NOP58: variants seen among roughly 807,000 people sequenced by gnomAD.
NOP58 encodes the protein NOP58 ribonucleoprotein.
In NOP58, 44 loss-of-function variants were observed where a neutral mutation model predicts 71.2. The ratio of observed to expected loss-of-function variants is 0.62; its 90% confidence interval spans 0.49 to 0.79. The LOEUF (loss-of-function observed/expected upper bound fraction) is 0.79. NOP58 is among the 30% of genes least tolerant of loss of function. NOP58 has a pLI of 0.00. For synonymous variants in NOP58, 228 were observed against 200.3 expected, an observed-to-expected ratio of 1.14 and a Z score of -1.17; for missense variants, 538 against 620.2, an observed-to-expected ratio of 0.87 and a Z score of 1.41.
chr2:202,292,774 T>A lies in NOP58; in HGVS notation c.781-3T>A. The A allele has an allele frequency of 6.2e-7, 1 of 1,607,310 alleles. No homozygotes were observed. Among genetic ancestry groups the A allele is most frequent in the South Asian group, 1.1e-5 (1 of 90,964 alleles). ...TGTGACTTAACTTTATTCCTTATACTAGGTGATTGAAATCTCTGAATATCG... is the reference window on the plus strand; with the variant it reads ...TGTGACTTAACTTTATTCCTTATACAAGGTGATTGAAATCTCTGAATATCG... On this transcript the variant is annotated splice_region_variant and splice_polypyrimidine_tract_variant and intron_variant, in intron 8 of 14. Coordinates refer to ENST00000264279, the MANE Select transcript of NOP58 (RefSeq NM_015934.5).
At chr2:202,297,285 A>G (rs1559267041) in intron 10 of NOP58, 94 bp from the exon 11 acceptor site, 2 of 1,167,358 alleles carry the variant, frequency 1.7e-6, no homozygotes, top group East Asian at 2.4e-5. Context: ...TGTATGATTC[A>G]TAATAGTTTT....
At chr2:202,273,263 A>G (rs947224752) in intron 1 of NOP58, among the ~76,000 whole-genome samples, 2 of 152,260 alleles carry the variant, frequency 1.3e-5, no homozygotes, top group Admixed American at 6.5e-5. Flanking sequence ...AGCCAAAACC[A>G]TTACTATGAC....
intron 4 of NOP58, 168 bp from the exon 5 acceptor site, chr2:202,284,177 A>G (rs897129980): frequency 3.8e-6 from 2 of 531,978 alleles, no homozygotes; most frequent in Admixed American, 3.3e-5. Context: ...CCAGGCCGAG[A>G]CAGGAGAATC....
rs377369455 is a variant in NOP58 at position 202,282,502 on chromosome 2, G to C, written c.297+30G>C. The C allele has an allele frequency of 1.9e-6, 3 of 1,594,780 alleles. No homozygotes were observed. In the African/African-American group the frequency reaches 4.1e-5, roughly 22 times the overall value. ...AGTCACGATATTTTTGGTCATGCCT[G>C]CTAGTCAGATCTCACAGCATACCAA... On this transcript the variant is annotated intron_variant, in intron 4 of 14. Transcript: ENST00000264279.
chr2:202,300,497 AT>A, intron 13 of NOP58, 130 bp downstream of exon 13: 1 of 678,322 alleles, frequency 1.5e-6, no homozygotes, highest in Non-Finnish European at 2.5e-6. Flanking sequence ...TGGTGTTTTA[AT>A]AATGCCATTA....
intron 2 of NOP58, among the ~76,000 whole-genome samples, chr2:202,277,299 T>C (rs1318580412): frequency 2.0e-5 from 3 of 148,120 alleles, no homozygotes; most frequent in Non-Finnish European, 3.0e-5. Flanking sequence ...AGTGAGACTC[T>C]GTCTCAAAAA....
intron 5 of NOP58, among the ~76,000 whole-genome samples, chr2:202,287,374 CT>C (rs1298564008): frequency 2.6e-5 from 4 of 151,956 alleles, no homozygotes; most frequent in African/African-American, 7.2e-5. Context: ...TCCAATATGA[CT>C]TTTGTATTAC....
At chr2:202,266,724 T>C (rs1398632872) in intron 1 of NOP58, among the ~76,000 whole-genome samples, 1 of 152,224 alleles carries the variant, frequency 6.6e-6, no homozygotes, top group African/African-American at 2.4e-5. Flanking sequence ...AAGAATACTT[T>C]TGCATTCATT....
chr2:202,269,686 A>G (rs1688483331), intron 1 of NOP58, among the ~76,000 whole-genome samples: 1 of 152,038 alleles, frequency 6.6e-6, no homozygotes, highest in African/African-American at 2.4e-5. Context: ...GGTTGCAATG[A>G]GCTGCGGTCG....
intron 2 of NOP58, chr2:202,275,576 G>C (rs966144513): frequency 6.3e-6 from 1 of 157,846 alleles, no homozygotes; most frequent in Non-Finnish European, 1.4e-5. Context: ...CCTGCTTTTT[G>C]AGTTTTGCAA....
At chr2:202,277,487 CAAAA>C (rs1431318207) in intron 2 of NOP58, among the ~76,000 whole-genome samples, 1 of 149,692 alleles carries the variant, frequency 6.7e-6, no homozygotes, top group African/African-American at 2.4e-5. Flanking sequence ...AAAAAAAAAA[CAAAA>C]AACCATAAAG....
chr2:202,266,677 G>C (rs1307190824), intron 1 of NOP58, among the ~76,000 whole-genome samples: 1 of 152,204 alleles, frequency 6.6e-6, no homozygotes, highest in African/African-American at 2.4e-5. Flanking sequence ...TTACTCTGCT[G>C]TGTGGAGATT....
chr2:202,300,069 C>G, intron 12 of NOP58, 165 bp from the exon 13 acceptor site: 1 of 573,156 alleles, frequency 1.7e-6, no homozygotes, highest in Non-Finnish European at 3.0e-6. Context: ...ATACCTTTAA[C>G]TTTTGGAAAC....
At chr2:202,297,294 T>A in intron 10 of NOP58, 85 bp from the exon 11 acceptor site, 1 of 1,281,556 alleles carries the variant, frequency 7.8e-7, no homozygotes, top group Non-Finnish European at 1.1e-6. Flanking sequence ...CATAATAGTT[T>A]TATAACTCCT....
intron 9 of NOP58, 184 bp downstream of exon 9, chr2:202,293,087 C>A: frequency 1.3e-6 from 1 of 779,688 alleles, no homozygotes; most frequent in Non-Finnish European, 2.3e-6. Context: ...TGCCTGATTT[C>A]CTTTTGGATA....
At chr2:202,276,529 G>A (rs1559260586) in intron 2 of NOP58, 1 of 506,776 alleles carries the variant, frequency 2.0e-6, no homozygotes, top group Admixed American at 2.0e-5. Context: ...TCAACTATAT[G>A]TTTCTTTCTG....
At position 202,297,990 on chromosome 2, in the gene NOP58, T is replaced by G. The variant is rs1689022452; in HGVS notation, c.1268+84T>G. 3.8e-6 allele frequency: 3 copies of G among 791,540 alleles called. No individual in the cohort carries two copies. In the East Asian group the frequency reaches 8.4e-5, roughly 22 times the overall value. The allele number at this position is 791,540 out of a possible 1,614,324, so 49.0% of individuals were successfully genotyped here. A position where few individuals can be genotyped will look rare whatever the true frequency, so the allele number is the denominator to read the frequency against. ...GTAATTTTTTATTGTAAACTTCACC[T>G]TGATGTGCCCATAGTTTTTTCAAAT... On this transcript the variant is annotated intron_variant, in intron 12 of 14. Coordinates refer to ENST00000264279, the MANE Select transcript of NOP58 (RefSeq NM_015934.5).
intron 1 of NOP58, among the ~76,000 whole-genome samples, chr2:202,271,450 C>T (rs1466295601): frequency 6.6e-6 from 1 of 151,242 alleles, no homozygotes; most frequent in Non-Finnish European, 1.5e-5. Context: ...GCCTGTAATC[C>T]CAGCTACTTG....
intron 2 of NOP58, among the ~76,000 whole-genome samples, chr2:202,275,875 G>A (rs1574377681): frequency 6.6e-6 from 1 of 152,064 alleles, no homozygotes; most frequent in East Asian, 1.9e-4. Flanking sequence ...CGCCATGTTG[G>A]TCAGGCAGGT....
Sources: allele counts gnomAD v4.1 joint callset (sites outside exome capture counted in the v4.1 genomes callset), GRCh38; gene constraint gnomAD v4.1.1; transcripts MANE v1.5; gene names NCBI Gene and HGNC (gene_info 2026-07-23, HGNC 2026-07-21).